The following GPC6 variants were observed in gnomAD, a reference collection of about 807,000 sequenced individuals.
The protein encoded by GPC6 is glypican-6.
GPC6 carries 14 observed loss-of-function variants against 55.2 expected under a neutral mutation model. The observed-to-expected ratio is 0.25, with a 90% CI of 0.17 to 0.40. The LOEUF is 0.40. Among genes scored for constraint, GPC6 ranks in the 10% least tolerant of loss-of-function variants. GPC6 has a pLI of 1.00. For missense variants in GPC6, 641 were observed against 708.5 expected, an observed-to-expected ratio of 0.90 and a Z score of 1.08; for synonymous variants, 278 against 259.6, an observed-to-expected ratio of 1.07 and a Z score of -0.68.
At position 93,357,000 on chromosome 13, in the gene GPC6, A is replaced by G. The variant is rs1197406015; in HGVS notation, c.160+129384A>G. ...ATAGAGGCTTCTGAGTGCCAACTCCAAATCTGAAGTTTTTGGAAAACAGCA... is the reference window on the plus strand; with the variant it reads ...ATAGAGGCTTCTGAGTGCCAACTCCGAATCTGAAGTTTTTGGAAAACAGCA... On this transcript the variant is annotated intron_variant, in intron 1 of 8. Transcript: ENST00000377047. Among the ~76,000 whole-genome samples, 3 of 152,228 alleles carry G rather than the reference A, an allele frequency of 2.0e-5. No homozygotes were observed. The East Asian group carries it at 5.8e-4, about 29-fold the overall frequency.
At chr13:93,844,264 G>A (rs1379703988) in intron 3 of GPC6, among the ~76,000 whole-genome samples, 2 of 152,062 alleles carry the variant, frequency 1.3e-5, no homozygotes, top group Admixed American at 6.6e-5. Flanking sequence ...TTAGCCTCCT[G>A]AGTAGCTGGG....
intron 4 of GPC6, among the ~76,000 whole-genome samples, chr13:94,265,666 T>C (rs1186599969): frequency 6.6e-6 from 1 of 151,922 alleles, no homozygotes; most frequent in Non-Finnish European, 1.5e-5. Context: ...GCAAGAAGTG[T>C]AAAGGGTAAG....
chr13:93,528,336 A>G (rs1881730581), intron 1 of GPC6, among the ~76,000 whole-genome samples: 2 of 152,218 alleles, frequency 1.3e-5, no homozygotes, highest in African/African-American at 2.4e-5. Context: ...TGCAACTGCA[A>G]TAAACTTGAA....
At chr13:93,524,304 G>T (rs1318869) in intron 1 of GPC6, among the ~76,000 whole-genome samples, 8,796 of 152,028 alleles carry the variant, frequency 0.058, 831 homozygotes, top group African/African-American at 0.2. Flanking sequence ...AGACAAACAG[G>T]AGTATGCTTC....
At chr13:93,914,658 G>A (rs1356398078) in intron 3 of GPC6, among the ~76,000 whole-genome samples, 2 of 152,170 alleles carry the variant, frequency 1.3e-5, no homozygotes, top group Admixed American at 6.5e-5. Flanking sequence ...ATTAGGAGCA[G>A]GCCTTTCCTT....
intron 1 of GPC6, among the ~76,000 whole-genome samples, chr13:93,237,097 T>G (rs1876262574): frequency 6.6e-6 from 1 of 152,208 alleles, no homozygotes; most frequent in Admixed American, 6.5e-5. Flanking sequence ...ATAGTGGGAT[T>G]GCTGGATTGA....
intron 3 of GPC6, among the ~76,000 whole-genome samples, chr13:94,027,330 T>C: frequency 6.6e-6 from 1 of 152,158 alleles, no homozygotes. Flanking sequence ...AGGAAATATA[T>C]CTGCCAACCT....
intron 1 of GPC6, among the ~76,000 whole-genome samples, chr13:93,405,569 T>G (rs1019545402): frequency 6.6e-6 from 1 of 152,180 alleles, no homozygotes; most frequent in African/African-American, 2.4e-5. Flanking sequence ...TGCATTTCCT[T>G]GAATGGAACT....
intron 4 of GPC6, among the ~76,000 whole-genome samples, chr13:94,235,311 G>A (rs1274449573): frequency 6.6e-6 from 1 of 152,104 alleles, no homozygotes; most frequent in African/African-American, 2.4e-5. Context: ...CTCTGGGAGC[G>A]TCTCTCACAG....
chr13:93,444,642 A>G (rs1256912663), intron 1 of GPC6, among the ~76,000 whole-genome samples: 8 of 152,214 alleles, frequency 5.3e-5, no homozygotes, highest in Non-Finnish European at 7.3e-5. Flanking sequence ...AAAACATGCC[A>G]TGCATGTAAA....
At chr13:93,485,239 A>C (rs1879660234) in intron 1 of GPC6, among the ~76,000 whole-genome samples, 1 of 152,196 alleles carries the variant, frequency 6.6e-6, no homozygotes, top group African/African-American at 2.4e-5. Flanking sequence ...GGAGTCCCAC[A>C]GGTATGAAAG....
chr13:94,145,668 C>T (rs1034252615), intron 4 of GPC6, among the ~76,000 whole-genome samples: 5 of 152,138 alleles, frequency 3.3e-5, no homozygotes, highest in African/African-American at 7.2e-5. Context: ...ACTGTTATGA[C>T]GTGTTCCCAT....
At chr13:93,916,114 C>A (rs995677380) in intron 3 of GPC6, among the ~76,000 whole-genome samples, 5 of 152,046 alleles carry the variant, frequency 3.3e-5, no homozygotes, top group Admixed American at 6.6e-5. Context: ...CTTGGTGGCT[C>A]ACTTTGACAC....
chr13:93,473,437 G>C (rs937283644), intron 1 of GPC6, among the ~76,000 whole-genome samples: 16 of 152,188 alleles, frequency 1.1e-4, no homozygotes, highest in Non-Finnish European at 1.8e-4. Flanking sequence ...GATCGGAGCA[G>C]GCACTGGGAA....
chr13:94,053,512 T>G (rs1884026958), intron 4 of GPC6, among the ~76,000 whole-genome samples: 1 of 152,164 alleles, frequency 6.6e-6, no homozygotes, highest in Non-Finnish European at 1.5e-5. Flanking sequence ...CAATAGAGTG[T>G]GAAGGAAGAA....
chr13:93,717,416 T>A (rs1469301439), intron 2 of GPC6, among the ~76,000 whole-genome samples: 1 of 151,548 alleles, frequency 6.6e-6, no homozygotes, highest in Non-Finnish European at 1.5e-5. Flanking sequence ...AATTATAATA[T>A]TATGGAAATG....
At chr13:93,700,473 G>C (rs570220115) in intron 2 of GPC6, among the ~76,000 whole-genome samples, 72 of 152,228 alleles carry the variant, frequency 4.7e-4, no homozygotes, top group Non-Finnish European at 7.9e-4. Flanking sequence ...AATCCAGCAA[G>C]ACTTACAGAA....
At chr13:93,427,602 C>G (rs1299863542) in intron 1 of GPC6, among the ~76,000 whole-genome samples, 1 of 152,168 alleles carries the variant, frequency 6.6e-6, no homozygotes, top group Non-Finnish European at 1.5e-5. Context: ...CACTTGCTAT[C>G]AATAAATTTC....
At chr13:93,572,597 A>G (rs2139476593) in intron 2 of GPC6, among the ~76,000 whole-genome samples, 1 of 152,324 alleles carries the variant, frequency 6.6e-6, no homozygotes, top group South Asian at 2.1e-4. Flanking sequence ...CTTAAGCTTC[A>G]AGGAGTATTT....
Sources: gnomAD v4.1 joint callset for allele counts (sites outside exome capture counted in the v4.1 genomes callset) on GRCh38, gnomAD v4.1.1 for gene constraint, MANE v1.5 for transcripts, NCBI Gene and HGNC (gene_info 2026-07-23, HGNC 2026-07-21) for gene names.